DIP2B: variants seen among roughly 807,000 people sequenced by gnomAD.
DIP2B encodes disco-interacting protein 2 homolog B.
In DIP2B, 76 loss-of-function variants were observed where a neutral mutation model predicts 198.0. The ratio of observed to expected loss-of-function variants is 0.38; its 90% CI spans 0.32 to 0.46. The LOEUF is 0.46. Ranked by LOEUF, DIP2B falls within the 20% of genes least tolerant of loss-of-function variation. The pLI is 0.99. For missense variants in DIP2B, 1,559 were observed against 1,978.4 expected, an observed-to-expected ratio of 0.79 and a Z score of 4.02; for synonymous variants, 701 against 739.1, an observed-to-expected ratio of 0.95 and a Z score of 0.84.
rs1428985985 is a variant in DIP2B at position 50,505,004 on chromosome 12, C to A, written c.-137C>A. On this transcript the variant is annotated 5_prime_UTR_variant, in exon 1 of 38. Transcript: ENST00000301180. ...GCGCTCACGTGACCTTTGCTCATGG[C>A]GGCGGCGGCGGCGGCGGCGGTGCTG... The A allele has an allele frequency of 6.0e-6, 4 of 665,478 alleles. 1 individual carries two copies. In the East Asian group the frequency reaches 1.2e-4, roughly 19 times the overall value. 41.2% of individuals were successfully genotyped at this position (665,478 alleles called of 1,614,324 possible). A position where few individuals can be genotyped will look rare whatever the true frequency, so the allele number is the denominator to read the frequency against.
At chr12:50,631,190 T>A (rs1215449040) in intron 2 of DIP2B, among the ~76,000 whole-genome samples, 4 of 151,694 alleles carry the variant, frequency 2.6e-5, no homozygotes, top group Admixed American at 1.3e-4. Context: ...GGTGCTGTGA[T>A]CTTTGCTCAC....
rs182360635 is a variant in DIP2B at position 50,743,351 on chromosome 12, G to A, written c.4479-1236G>A. ...CCACCTCGGCCTCCCAAAGTGCTGG[G>A]ATTACAGGCGTGAGCCACCGCACCC... On this transcript the variant is annotated intron_variant, in intron 37 of 37. Transcript: ENST00000301180. Among the ~76,000 whole-genome samples the A allele has an allele frequency of 1.9e-3, 282 of 152,284 alleles. 1 individual carries two copies. Among genetic ancestry groups the A allele is most frequent in the African/African-American group, 6.4e-3 (264 of 41,556 alleles).
At chr12:50,713,855 G>C (rs1939663229) in intron 22 of DIP2B, among the ~76,000 whole-genome samples, 1 of 152,042 alleles carries the variant, frequency 6.6e-6, no homozygotes, top group South Asian at 2.1e-4. Flanking sequence ...CATCACTTGA[G>C]GCCATGAGTT....
At chr12:50,664,167 C>T (rs1938705678) in intron 4 of DIP2B, among the ~76,000 whole-genome samples, 2 of 152,104 alleles carry the variant, frequency 1.3e-5, no homozygotes, top group Non-Finnish European at 2.9e-5. Flanking sequence ...AAATTTAGAG[C>T]TGCTCTTTTT....
chr12:50,505,497 G>A (rs1367121079), intron 1 of DIP2B, among the ~76,000 whole-genome samples: 1 of 152,174 alleles, frequency 6.6e-6, no homozygotes. Flanking sequence ...CTGCTTCTGC[G>A]CTTCCTGCCC....
rs1191096785 is a variant in DIP2B at position 50,526,741 on chromosome 12, A to AC, written c.100+21501_100+21502insC. ...AACCTCTGCCTCCCGGGTTCAAGCG[A>AC]TTTCCTGCCTCAGCCTCACCAGTAG... is the stretch of plus-strand genomic sequence containing the variant. On this transcript the variant is annotated intron_variant, in intron 1 of 37. Coordinates refer to ENST00000301180, the MANE Select transcript of DIP2B (RefSeq NM_173602.3). Among the ~76,000 whole-genome samples, 4 of 2,832 alleles carry AC rather than the reference A, an allele frequency of 1.4e-3. No individual in the cohort carries two copies. In the East Asian group the frequency reaches 0.33, roughly 236 times the overall value. 1.9% of individuals were successfully genotyped at this position (2,832 alleles called of 152,430 possible). A position where few individuals can be genotyped will look rare whatever the true frequency, so the allele number is the denominator to read the frequency against.
chr12:50,699,227 G>A (rs1367244084), intron 19 of DIP2B, 25 bp downstream of exon 19: 1 of 1,613,468 alleles, frequency 6.2e-7, no homozygotes, highest in East Asian at 2.2e-5. Flanking sequence ...CATTTCACAG[G>A]GAAAATGTTT....
At chr12:50,713,226 A>G (rs1333752616) in intron 22 of DIP2B, among the ~76,000 whole-genome samples, 2 of 152,156 alleles carry the variant, frequency 1.3e-5, no homozygotes, top group Non-Finnish European at 2.9e-5. Context: ...GAGATTACAG[A>G]CTTGAGTCAC....
chr12:50,673,860 C>T (rs749795141), intron 5 of DIP2B, among the ~76,000 whole-genome samples: 1 of 152,126 alleles, frequency 6.6e-6, no homozygotes, highest in Non-Finnish European at 1.5e-5. Flanking sequence ...AAAGGAAGAA[C>T]CTTGTCTGTC....
In DIP2B at chr12:50,723,332, C is replaced by T. The variant is rs2139589049; in HGVS notation, c.3288+9C>T. On this transcript the variant is annotated intron_variant, in intron 27 of 37. Coordinates refer to ENST00000301180, the MANE Select transcript of DIP2B (RefSeq NM_173602.3). ...TCCGAATGATTGTTGATGTAAGTAC[C>T]AGCTGTATCTTGCCTTGTCCTCATC... is the stretch of plus-strand genomic sequence containing the variant. The T allele has an allele frequency of 6.2e-7, 1 of 1,614,056 alleles. No homozygotes were observed.
intron 25 of DIP2B, 55 bp downstream of exon 25, chr12:50,719,090 G>A (rs1939787141): frequency 6.4e-6 from 10 of 1,562,546 alleles, no homozygotes; most frequent in Non-Finnish European, 7.9e-6. Flanking sequence ...GACCATCTTA[G>A]GCACTCTTGA....
chr12:50,526,400 TG>T (rs1288664208), intron 1 of DIP2B, among the ~76,000 whole-genome samples: 1 of 152,318 alleles, frequency 6.6e-6, no homozygotes, highest in Middle Eastern at 3.4e-3. Context: ...CTTTTACAGT[TG>T]GGTGATATGT....
At chr12:50,647,309 A>G (rs781674316) in intron 3 of DIP2B, among the ~76,000 whole-genome samples, 27 of 152,194 alleles carry the variant, frequency 1.8e-4, no homozygotes, top group East Asian at 1.9e-4. Context: ...GAGGTGACAC[A>G]GAAGAGGGAG....
rs750718295 is a variant in DIP2B, at chr12:50,692,935, T to A, written c.1655-14T>A. ...AAAGATGATTTCTTTGTCTTCCTAT[T>A]TTTTCTATTTTAGGGGAAACAATAG... On this transcript the variant is annotated splice_polypyrimidine_tract_variant and intron_variant, in intron 13 of 37. Transcript: ENST00000301180. 8.7e-6 allele frequency: 14 copies of A among 1,603,924 alleles called. No homozygotes were observed. Among genetic ancestry groups the A allele is most frequent in the Middle Eastern group, 1.7e-4 (1 of 6,046 alleles).
At position 50,692,873 on chromosome 12, in the gene DIP2B, A is replaced by G. The variant is rs1267942348; in HGVS notation, c.1655-76A>G. The G allele has an allele frequency of 3.2e-6, 4 of 1,247,992 alleles. No individual in the cohort carries two copies. In the African/African-American group the frequency reaches 4.5e-5, roughly 14 times the overall value. 77.3% of individuals were successfully genotyped at this position (1,247,992 alleles called of 1,614,324 possible). ...CAAACAAACATCAAATCAGTTGTTT[A>G]TAAGAGGCAAGTGACATAATTTTGC... On this transcript the variant is annotated intron_variant, in intron 13 of 37. Transcript: ENST00000301180.
chr12:50,593,698 C>T (rs1247288827), intron 1 of DIP2B, among the ~76,000 whole-genome samples: 2 of 62,510 alleles, frequency 3.2e-5, no homozygotes, highest in Admixed American at 3.5e-4. Context: ...CTTTTCTCCT[C>T]TCCTCTCCCC....
At chr12:50,740,356 C>T (rs142987957) in intron 36 of DIP2B, among the ~76,000 whole-genome samples, 39 of 152,334 alleles carry the variant, frequency 2.6e-4, no homozygotes, top group African/African-American at 7.0e-4. Context: ...GTTTTGCAGC[C>T]CACCTCTGCC....
chr12:50,543,060 G>T (rs1958340694), intron 1 of DIP2B, among the ~76,000 whole-genome samples: 1 of 151,738 alleles, frequency 6.6e-6, no homozygotes, highest in Non-Finnish European at 1.5e-5. Flanking sequence ...TTTTTGTAGA[G>T]ATGGGGCTTC....
chr12:50,624,710 T>G (rs1937898262), intron 1 of DIP2B, among the ~76,000 whole-genome samples: 1 of 152,214 alleles, frequency 6.6e-6, no homozygotes, highest in Non-Finnish European at 1.5e-5. Context: ...ACCACTGTCT[T>G]TAATTCAAGC....
Sources: gnomAD v4.1 joint callset for allele counts (sites outside exome capture counted in the v4.1 genomes callset) on GRCh38, gnomAD v4.1.1 for gene constraint, MANE v1.5 for transcripts, NCBI Gene and HGNC (gene_info 2026-07-23, HGNC 2026-07-21) for gene names.